The following ERC1 variants were observed in gnomAD, a reference collection of about 807,000 sequenced individuals.
ERC1 encodes RAB6 interacting protein 2.
In ERC1, 56 loss-of-function variants were observed where a neutral mutation model predicts 132.0. That is an observed-to-expected ratio of 0.42 (90% CI 0.34 to 0.53). The LOEUF is 0.53. ERC1 is among the 20% of genes least tolerant of loss of function. The pLI is 0.03. For synonymous variants in ERC1, 478 were observed against 476.1 expected, an observed-to-expected ratio of 1.00 and a Z score of -0.05; for missense variants, 1,202 against 1,349.9, an observed-to-expected ratio of 0.89 and a Z score of 1.72.
At chr12:1,322,222 G>A (rs548097089) in intron 15 of ERC1, among the ~76,000 whole-genome samples, 1 of 143,800 alleles carries the variant, frequency 7.0e-6, no homozygotes, top group South Asian at 2.2e-4. Context: ...TCATAAGAAT[G>A]CTGTAAACAT....
intron 2 of ERC1, among the ~76,000 whole-genome samples, chr12:1,065,480 T>TG (rs1938951655): frequency 6.4e-5 from 8 of 125,014 alleles, no homozygotes; most frequent in East Asian, 5.3e-4. Context: ...TTTGTACCGT[T>TG]TGTGTGTGTG....
At chr12:1,261,874 C>G (rs562075654) in intron 13 of ERC1, among the ~76,000 whole-genome samples, 5 of 151,990 alleles carry the variant, frequency 3.3e-5, no homozygotes, top group Admixed American at 6.5e-5. Context: ...TTTAGAAAAA[C>G]GAGAGAGGAA....
At chr12:1,257,214 T>C (rs1462699021) in intron 13 of ERC1, 1 of 152,258 alleles carries the variant, frequency 6.6e-6, no homozygotes, top group Non-Finnish European at 1.5e-5. Context: ...CTCTTGCCAC[T>C]AGCTGCACCA....
intron 17 of ERC1, among the ~76,000 whole-genome samples, chr12:1,428,623 G>A (rs1405938258): frequency 2.6e-5 from 4 of 152,130 alleles, no homozygotes; most frequent in Non-Finnish European, 5.9e-5. Context: ...ATTTCATAGA[G>A]TTACGTTGTG....
chr12:1,471,946 C>T (rs1241133067), intron 18 of ERC1, among the ~76,000 whole-genome samples: 1 of 152,226 alleles, frequency 6.6e-6, no homozygotes, highest in African/African-American at 2.4e-5. Context: ...ATCTATCAGT[C>T]TAACCTGTGT....
At chr12:1,440,760 T>TGCCTCAGCCTACTGAGTA (rs2093128199) in intron 17 of ERC1, among the ~76,000 whole-genome samples, 1 of 150,806 alleles carries the variant, frequency 6.6e-6, no homozygotes, top group South Asian at 2.1e-4. Context: ...CAATTCTTAA[T>TGCCTCAGCCTACTGAGTA]GCCTCAGCCT....
At chr12:1,270,845 G>A (rs1023740693) in intron 14 of ERC1, among the ~76,000 whole-genome samples, 2 of 151,856 alleles carry the variant, frequency 1.3e-5, no homozygotes, top group African/African-American at 2.4e-5. Flanking sequence ...CTAGCACAAA[G>A]TAAATTACAT....
chr12:1,276,971 G>T (rs1321452148), intron 14 of ERC1, among the ~76,000 whole-genome samples: 5 of 152,186 alleles, frequency 3.3e-5, no homozygotes, highest in Non-Finnish European at 1.5e-5. Flanking sequence ...GAACTTAAAG[G>T]TGTCAGAATT....
chr12:1,285,055 A>T (rs1229352945), intron 14 of ERC1, among the ~76,000 whole-genome samples: 3 of 152,314 alleles, frequency 2.0e-5, no homozygotes, highest in East Asian at 1.9e-4. Context: ...CTCATATTTT[A>T]ATCGAATTTT....
At chr12:1,398,266 G>T (rs1457259077) in intron 16 of ERC1, among the ~76,000 whole-genome samples, 2 of 152,128 alleles carry the variant, frequency 1.3e-5, no homozygotes, top group African/African-American at 2.4e-5. Flanking sequence ...TTGTAGACGT[G>T]AGCCACCGTG....
chr12:1,431,763 C>T (rs778788400), intron 17 of ERC1, among the ~76,000 whole-genome samples: 7 of 152,090 alleles, frequency 4.6e-5, no homozygotes, highest in Non-Finnish European at 7.3e-5. Flanking sequence ...TTCCTTTTTA[C>T]AATAATCTGT....
At chr12:1,205,658 C>T (rs1263447655) in intron 12 of ERC1, among the ~76,000 whole-genome samples, 3 of 151,984 alleles carry the variant, frequency 2.0e-5, no homozygotes, top group African/African-American at 4.8e-5. Context: ...TAGATTTTCC[C>T]GTTTCTAATC....
At chr12:1,375,287 C>T (rs2087751885) in intron 16 of ERC1, among the ~76,000 whole-genome samples, 1 of 152,120 alleles carries the variant, frequency 6.6e-6, no homozygotes, top group South Asian at 2.1e-4. Flanking sequence ...AGCGATCAAG[C>T]GAGGAACTGC....
chr12:999,609 AT>A (rs10661786), intron 1 of ERC1, among the ~76,000 whole-genome samples: 60 of 102,936 alleles, frequency 5.8e-4, no homozygotes, highest in African/African-American at 2.3e-3. Flanking sequence ...GTGCTAGGTG[AT>A]TTTTTTTTTT....
chr12:1,157,841 C>T (rs146526421), intron 8 of ERC1, among the ~76,000 whole-genome samples: 1 of 152,138 alleles, frequency 6.6e-6, no homozygotes, highest in African/African-American at 2.4e-5. Context: ...ATCCAAATAT[C>T]TAAAAAACCA....
At position 1,064,341 on chromosome 12, in the gene ERC1, C is replaced by CTCA. The variant is rs569831769; in HGVS notation, c.670-18822_670-18820dup. Among the ~76,000 whole-genome samples the CTCA allele has an allele frequency of 1.4e-4, 22 of 152,180 alleles. No homozygotes were observed. In the South Asian group the frequency reaches 4.6e-3, roughly 32 times the overall value. ...TCTTGGCCTCAAGCAATCCTACCCA[C>CTCA]TCAGCCTCCTGAGTATTCTCTTGCT... is the stretch of plus-strand genomic sequence containing the variant. On this transcript the variant is annotated intron_variant, in intron 2 of 18. Transcript: ENST00000360905.
intron 10 of ERC1, among the ~76,000 whole-genome samples, chr12:1,182,839 T>TG (rs1566172045): frequency 9.8e-6 from 1 of 102,102 alleles, no homozygotes; most frequent in East Asian, 2.2e-4. Context: ...GTTAAAAAAA[T>TG]TTTTTTTTGT....
intron 8 of ERC1, among the ~76,000 whole-genome samples, chr12:1,143,074 AT>A (rs1949997962): frequency 6.6e-6 from 1 of 151,908 alleles, no homozygotes; most frequent in Non-Finnish European, 1.5e-5. Flanking sequence ...AATTTTTTGT[AT>A]TTTTAGTAGA....
chr12:1,171,165 A>G (rs1381545408), intron 8 of ERC1, among the ~76,000 whole-genome samples: 1 of 152,202 alleles, frequency 6.6e-6, no homozygotes, highest in East Asian at 1.9e-4. Context: ...GCTACCCGAC[A>G]TCTTTGCTGG....
Sources: allele counts gnomAD v4.1 joint callset (sites outside exome capture counted in the v4.1 genomes callset), GRCh38; gene constraint gnomAD v4.1.1; transcripts MANE v1.5; gene names NCBI Gene and HGNC (gene_info 2026-07-23, HGNC 2026-07-21).